Variants in KCNH1 observed in about 807,000 individuals in gnomAD.
KCNH1 encodes voltage-gated delayed rectifier potassium channel KCNH1.
A neutral mutation model predicts 69.2 loss-of-function variants in KCNH1; 27 were observed. The ratio of observed to expected loss-of-function variants is 0.39; its 90% CI spans 0.29 to 0.54. The LOEUF is 0.54. Ranked by LOEUF, KCNH1 falls within the 20% of genes least tolerant of loss-of-function variation. The pLI, the probability that KCNH1 is intolerant of heterozygous loss-of-function variation, is 0.68. For synonymous variants in KCNH1, 456 were observed against 487.7 expected (o/e 0.93, Z 0.86); for missense variants, 798 against 1,261.6 (o/e 0.63, Z 5.57).
intron 10 of KCNH1, among the ~76,000 whole-genome samples, chr1:210,712,810 G>A (rs1010427996): frequency 6.6e-6 from 1 of 152,126 alleles, no homozygotes; most frequent in African/African-American, 2.4e-5. Flanking sequence ...ACATTAACAG[G>A]AATCTGTACC....
At chr1:210,929,734 A>G (rs1298778409) in intron 6 of KCNH1, among the ~76,000 whole-genome samples, 1 of 152,234 alleles carries the variant, frequency 6.6e-6, no homozygotes, top group African/African-American at 2.4e-5. Context: ...AGGGACTCAA[A>G]CTGTCACTGT....
At chr1:210,863,816 C>G (rs1686037003) in intron 7 of KCNH1, among the ~76,000 whole-genome samples, 1 of 152,160 alleles carries the variant, frequency 6.6e-6, no homozygotes, top group Non-Finnish European at 1.5e-5. Context: ...ACTTGTTCAC[C>G]CTCTGTTCCA....
chr1:210,836,809 C>T (rs1195728037), intron 7 of KCNH1, among the ~76,000 whole-genome samples: 4 of 152,054 alleles, frequency 2.6e-5, no homozygotes, highest in Non-Finnish European at 4.4e-5. Flanking sequence ...AGGTACTGGC[C>T]GCTGAACCAA....
intron 10 of KCNH1, among the ~76,000 whole-genome samples, chr1:210,758,451 G>GCCACTACTGGATGC (rs1683444259): frequency 6.6e-6 from 1 of 152,308 alleles, no homozygotes. Flanking sequence ...GTCTGTGTAT[G>GCCACTACTGGATGC]CCACTACTGG....
chr1:210,694,267 C>T (rs150218784), intron 10 of KCNH1, among the ~76,000 whole-genome samples: 100 of 152,208 alleles, frequency 6.6e-4, no homozygotes, highest in Middle Eastern at 3.4e-3. Flanking sequence ...CACACACACA[C>T]GCTCAGCAAA....
intron 7 of KCNH1, among the ~76,000 whole-genome samples, chr1:210,892,248 CCA>C (rs1246087883): frequency 6.6e-6 from 1 of 151,938 alleles, no homozygotes; most frequent in African/African-American, 2.4e-5. Context: ...ATATCCTGTC[CCA>C]CAGTCACACC....
chr1:210,745,540 G>A (rs1338803363), intron 10 of KCNH1, among the ~76,000 whole-genome samples: 2 of 152,142 alleles, frequency 1.3e-5, no homozygotes, highest in African/African-American at 4.8e-5. Flanking sequence ...CCATTTATCT[G>A]GTATAAAATG....
chr1:211,005,129 AAG>A (rs2102403705), intron 6 of KCNH1, among the ~76,000 whole-genome samples: 2 of 152,256 alleles, frequency 1.3e-5, no homozygotes, highest in South Asian at 4.1e-4. Context: ...TTAAAAGATA[AAG>A]AGACATTACT....
At chr1:211,110,791 G>A (rs1160225449) in intron 1 of KCNH1, among the ~76,000 whole-genome samples, 1 of 152,096 alleles carries the variant, frequency 6.6e-6, no homozygotes, top group East Asian at 1.9e-4. Flanking sequence ...ATTAGGAGGA[G>A]GGGTAGGGAG....
chr1:210,825,057 C>A (rs973957514), intron 7 of KCNH1, among the ~76,000 whole-genome samples: 3 of 152,104 alleles, frequency 2.0e-5, no homozygotes, highest in South Asian at 2.1e-4. Context: ...TGCTTGAAAG[C>A]CTTAATTTTA....
intron 9 of KCNH1, among the ~76,000 whole-genome samples, chr1:210,795,385 G>C (rs775200149): frequency 7.2e-5 from 11 of 152,108 alleles, no homozygotes; most frequent in Admixed American, 1.3e-4. Flanking sequence ...GGACCCAAGA[G>C]ATCCACCCGT....
chr1:211,051,288 A>G (rs1408946063), intron 5 of KCNH1, among the ~76,000 whole-genome samples: 1 of 152,150 alleles, frequency 6.6e-6, no homozygotes, highest in Non-Finnish European at 1.5e-5. Flanking sequence ...GTGAGCCACC[A>G]TGCCTGGCTG....
At chr1:211,023,337 T>C (rs1273406443) in intron 5 of KCNH1, among the ~76,000 whole-genome samples, 1 of 151,780 alleles carries the variant, frequency 6.6e-6, no homozygotes, top group Non-Finnish European at 1.5e-5. Flanking sequence ...AGGAAAGAGC[T>C]ATTGGCACTC....
chr1:210,716,431 CAAAAAAA>C (rs58725705), intron 10 of KCNH1, among the ~76,000 whole-genome samples: 1 of 91,978 alleles, frequency 1.1e-5, no homozygotes, highest in Admixed American at 1.3e-4. Context: ...GACTCCGTCT[CAAAAAAA>C]AAAAAAAAAA....
At chr1:211,128,357 G>A (rs999887164) in intron 1 of KCNH1, among the ~76,000 whole-genome samples, 3 of 150,668 alleles carry the variant, frequency 2.0e-5, no homozygotes, top group Admixed American at 6.6e-5. Context: ...ATTGCCACCC[G>A]ACAAAAGAAT....
At chr1:211,041,824 G>C (rs1690001338) in intron 5 of KCNH1, among the ~76,000 whole-genome samples, 1 of 152,050 alleles carries the variant, frequency 6.6e-6, no homozygotes, top group South Asian at 2.1e-4. Flanking sequence ...GCATGATCCT[G>C]GCTCACTGCA....
chr1:210,828,240 C>A (rs1157043906), intron 7 of KCNH1, among the ~76,000 whole-genome samples: 1 of 152,098 alleles, frequency 6.6e-6, no homozygotes, highest in African/African-American at 2.4e-5. Context: ...GGGAGGAACT[C>A]AATAAATGAT....
intron 7 of KCNH1, among the ~76,000 whole-genome samples, chr1:210,904,441 G>T (rs1687057059): frequency 6.6e-6 from 1 of 151,932 alleles, no homozygotes; most frequent in Non-Finnish European, 1.5e-5. Flanking sequence ...CTCAGTGGAA[G>T]GTGCGAAGAA....
intron 5 of KCNH1, among the ~76,000 whole-genome samples, chr1:211,022,386 C>T (rs964440034): frequency 5.3e-5 from 8 of 152,036 alleles, no homozygotes; most frequent in South Asian, 2.1e-4. Context: ...AATAAAACTT[C>T]GGGGAAACTC....
Sources: allele counts gnomAD v4.1 joint callset (sites outside exome capture counted in the v4.1 genomes callset), GRCh38; gene constraint gnomAD v4.1.1; transcripts MANE v1.5; gene names NCBI Gene and HGNC (gene_info 2026-07-23, HGNC 2026-07-21).